Variants in GBP2 observed in about 807,000 individuals in gnomAD.
GBP2 encodes the protein guanylate-binding protein 2.
GBP2 carries 54 observed loss-of-function variants against 60.8 expected under a neutral mutation model. The observed-to-expected ratio is 0.89, with a 90% confidence interval of 0.71 to 1.11. The LOEUF is 1.11. GBP2 is among the 50% of genes most tolerant of loss of function. The pLI, the probability that GBP2 is intolerant of heterozygous loss-of-function variation, is 0.00. For synonymous variants in GBP2, 243 were observed against 256.5 expected (o/e 0.95, Z 0.50); for missense variants, 665 against 703.3 (o/e 0.95, Z 0.62).
chr1:89,109,091 C>A (rs1681112179), intron 10 of GBP2, among the ~76,000 whole-genome samples: 1 of 152,088 alleles, frequency 6.6e-6, no homozygotes, highest in Non-Finnish European at 1.5e-5. Context: ...GACGGGGTTT[C>A]TCCATGTTGG....
At chr1:89,111,773 T>C (rs1054821418) in intron 8 of GBP2, among the ~76,000 whole-genome samples, 1 of 152,162 alleles carries the variant, frequency 6.6e-6, no homozygotes, top group African/African-American at 2.4e-5. Context: ...AATAATTTAA[T>C]TGTACACTTT....
At chr1:89,113,927 G>A (rs967483374) in intron 7 of GBP2, 89 bp downstream of exon 7, 19 of 1,398,028 alleles carry the variant, frequency 1.4e-5, no homozygotes, top group Non-Finnish European at 1.7e-5. Flanking sequence ...ACATAACTGA[G>A]TGTAACTATT....
intron 6 of GBP2, among the ~76,000 whole-genome samples, 172 bp downstream of exon 6, chr1:89,116,820 C>T (rs552505359): frequency 1.3e-5 from 2 of 151,950 alleles, no homozygotes; most frequent in East Asian, 3.9e-4. Flanking sequence ...TGAGATGATA[C>T]TATAGCTTTA....
In GBP2 at chr1:89,110,374, A is replaced by T. The variant is rs866729685; in HGVS notation, c.1363-108T>A. On this transcript the variant is annotated intron_variant, in intron 8 of 10. Coordinates refer to ENST00000370466, the MANE Select transcript of GBP2 (RefSeq NM_004120.5). ...AGGAAAATAAGTCATTACACAAAAAAGATACTTGCATACGCATGTTTATAG... is the reference window on the plus strand; with the variant it reads ...AGGAAAATAAGTCATTACACAAAAATGATACTTGCATACGCATGTTTATAG... 6.1e-6 allele frequency: 5 copies of T among 813,468 alleles called. No homozygotes were observed. In the Middle Eastern group the frequency reaches 1.1e-3, roughly 184 times the overall value. The allele number at this position is 813,468 out of a possible 1,614,324, so 50.4% of individuals were successfully genotyped here. A position where few individuals can be genotyped will look rare whatever the true frequency, so the allele number is the denominator to read the frequency against.
At chr1:89,109,161 CT>C (rs1681115055) in intron 10 of GBP2, among the ~76,000 whole-genome samples, 1 of 152,094 alleles carries the variant, frequency 6.6e-6, no homozygotes, top group Non-Finnish European at 1.5e-5. Flanking sequence ...TCCCAAAGTG[CT>C]AGGATTACAG....
intron 3 of GBP2, among the ~76,000 whole-genome samples, 191 bp downstream of exon 3, chr1:89,120,952 T>C (rs1330793693): frequency 6.6e-6 from 1 of 152,086 alleles, no homozygotes; most frequent in East Asian, 1.9e-4. Context: ...CCATAATTAA[T>C]CAATTGAACT....
rs1035804813 is a variant in GBP2 at position 89,114,070 on chromosome 1, G to A, written c.1095C>T (p.Val365=). The A allele has an allele frequency of 1.2e-6, 2 of 1,614,062 alleles. No homozygotes were observed. Among genetic ancestry groups the A allele is most frequent in the African/African-American group, 2.7e-5 (2 of 74,918 alleles). ...CATCCTTGAAAGAGTTCTTCATGAA[G>A]ACTTCAATGGCCTCTCTCTCACTGT... The part of the protein sequence containing the change: ...HRDSEREAIE[V]FMKNSFKDVD... Residue 365 remains valine, a synonymous_variant, in exon 7 of 11, where the codon GTC becomes GTT. Coordinates refer to ENST00000370466, the MANE Select transcript of GBP2 (RefSeq NM_004120.5).
Position 89,114,165 on chromosome 1 carries a change from C to T in GBP2, c.1000G>A (p.Glu334Lys), listed in dbSNP as rs754738734. 7 of 1,614,118 alleles carry T rather than the reference C, an allele frequency of 4.3e-6. No homozygotes were observed. In the East Asian group the frequency reaches 1.3e-4, roughly 31 times the overall value. The stretch of plus-strand genomic sequence containing the variant: ...TGCACCTTCTGGCCCATCTGCTGTT[C>T]ATAGTGGGCAATAGCCTTTTCCACT... ...AAVEKAIAHY[E>K]QQMGQKVQLP... The change falls in exon 7 of 11, where the codon GAA (glutamate) becomes AAA (lysine). Residue 334 changes from glutamate to lysine, a missense_variant. Physicochemically the swap from Glu to Lys is moderately conservative, Grantham distance 56. Transcript: ENST00000370466.
At chr1:89,124,155 T>C (rs1444694394) in intron 1 of GBP2, among the ~76,000 whole-genome samples, 7 of 152,230 alleles carry the variant, frequency 4.6e-5, no homozygotes. Context: ...AGATTGTTTC[T>C]AATATTTAGC....
chr1:89,122,204 A>T (rs554125918), intron 1 of GBP2, among the ~76,000 whole-genome samples: 1 of 152,334 alleles, frequency 6.6e-6, no homozygotes, highest in South Asian at 2.1e-4. Flanking sequence ...AAGATGTACA[A>T]TGGGTATGGA....
intron 1 of GBP2, among the ~76,000 whole-genome samples, chr1:89,125,409 A>C (rs935418214): frequency 6.6e-6 from 1 of 152,188 alleles, no homozygotes; most frequent in African/African-American, 2.4e-5. Context: ...TTATAGCATG[A>C]TGTAAACCAC....
rs1339936689 is a variant in GBP2 at position 89,106,993 on chromosome 1, C to G, written c.*1182G>C. The G allele has an allele frequency of 6.6e-6, 1 of 152,128 alleles. No homozygotes were observed. Among genetic ancestry groups the G allele is most frequent in the Non-Finnish European group, 1.5e-5 (1 of 68,028 alleles). The allele number at this position is 152,128 out of a possible 1,614,324, so 9.4% of individuals were successfully genotyped here. A position where few individuals can be genotyped will look rare whatever the true frequency, so the allele number is the denominator to read the frequency against. ...GATGCCTTTACAATGGTAGTATTAT[C>G]CTCGGTGGAATAGCTGTAGAGTATG... is the stretch of plus-strand genomic sequence containing the variant. On this transcript the variant is annotated 3_prime_UTR_variant, in exon 11 of 11. Coordinates refer to ENST00000370466, the MANE Select transcript of GBP2 (RefSeq NM_004120.5).
chr1:89,109,705 T>A lies in GBP2; in HGVS notation c.1631A>T (p.Gln544Leu). Residue 544 changes from glutamine to leucine, a missense_variant, in exon 10 of 11, where the codon CAA (glutamine) becomes CTA (leucine). By Grantham distance (113) the Gln-to-Leu change is moderately radical. Transcript: ENST00000370466. ...ERDRAQLMAE[Q>L]EKTLALKLQE... ...AAGTTTAAGAGCGAGGGTCTTCTCT[T>A]GCTCTGCCATTAACTGGGCCCTGTC... The A allele has an allele frequency of 6.2e-7, 1 of 1,614,050 alleles. No homozygotes were observed. Among genetic ancestry groups the A allele is most frequent in the South Asian group, 1.1e-5 (1 of 91,064 alleles).
rs773290360 is a variant in GBP2, at chr1:89,112,681, G to A, written c.1153C>T (p.Gln385Ter). 8 of 1,613,572 alleles carry A rather than the reference G, an allele frequency of 5.0e-6. No homozygotes were observed. Among genetic ancestry groups the A allele is most frequent in the Non-Finnish European group, 8.5e-7 (1 of 1,179,502 alleles). The change falls in exon 8 of 11, where the codon CAG (glutamine) becomes TAG (stop). Residue 385 changes from glutamine (Q) to a stop codon, truncating the protein, a stop_gained. Coordinates refer to ENST00000370466, the MANE Select transcript of GBP2 (RefSeq NM_004120.5). LOFTEE classifies it high-confidence loss of function. ...DQMFQRKLGA[Q>*]LEARRDDFCK... ...AAGTCATCTCGCCTTGCTTCCAACT[G>A]GGCCTGTGAAGTGACAAAACAGCAC...
chr1:89,114,437 C>A, intron 6 of GBP2, 141 bp from the exon 7 acceptor site: 1 of 1,048,096 alleles, frequency 9.5e-7, no homozygotes. Context: ...TTGTTAACCT[C>A]TAATCACAGA....
chr1:89,121,678 A>C, intron 2 of GBP2, 99 bp downstream of exon 2: 1 of 1,298,804 alleles, frequency 7.7e-7, no homozygotes, highest in Non-Finnish European at 1.1e-6. Flanking sequence ...GTTAGCTTTC[A>C]ACATTCATTC....
At position 89,113,942 on chromosome 1, in the gene GBP2, G is replaced by A. The variant is rs1190716559; in HGVS notation, c.1149+74C>T. On this transcript the variant is annotated intron_variant, in intron 7 of 10. Coordinates refer to ENST00000370466, the MANE Select transcript of GBP2 (RefSeq NM_004120.5). ...ACATAACTGAGTGTAACTATTTTGGGGTCTAGAAAGAATTATTTTCCCATG... is the reference window on the plus strand; with the variant it reads ...ACATAACTGAGTGTAACTATTTTGGAGTCTAGAAAGAATTATTTTCCCATG... The A allele has an allele frequency of 2.0e-6, 3 of 1,515,186 alleles. No homozygotes were observed. In the East Asian group the frequency reaches 6.8e-5, roughly 34 times the overall value. 93.9% of individuals were successfully genotyped at this position (1,515,186 alleles called of 1,614,324 possible). A position where few individuals can be genotyped will look rare whatever the true frequency, so the allele number is the denominator to read the frequency against.
At chr1:89,120,120 A>G in intron 4 of GBP2, 59 bp downstream of exon 4, 1 of 1,270,506 alleles carries the variant, frequency 7.9e-7, no homozygotes, top group Non-Finnish European at 1.2e-6. Context: ...GTACTTGGTG[A>G]AAAAATGAAG....
intron 6 of GBP2, among the ~76,000 whole-genome samples, chr1:89,115,371 A>C (rs1316126996): frequency 6.6e-6 from 1 of 151,870 alleles, no homozygotes. Flanking sequence ...CCCTTTCACT[A>C]CTCCAACAAA....
Sources: gnomAD v4.1 joint callset for allele counts (sites outside exome capture counted in the v4.1 genomes callset) on GRCh38, gnomAD v4.1.1 for gene constraint, MANE v1.5 for transcripts, NCBI Gene and HGNC (gene_info 2026-07-23, HGNC 2026-07-21) for gene names.